Variants in UGT1A7 observed in about 807,000 individuals in gnomAD.
UGT1A7 encodes the protein UDP-glucuronosyltransferase 1A7.
Under a neutral mutation model 45.6 loss-of-function variants are expected in UGT1A7, and 33 were observed. The observed-to-expected ratio is 0.72, with a 90% CI of 0.55 to 0.97. UGT1A7 has a LOEUF of 0.97. Ranked by LOEUF, UGT1A7 falls within the 50% of genes least tolerant of loss-of-function variation. The pLI is 0.00. For synonymous variants in UGT1A7, 274 were observed against 250.6 expected (o/e 1.09, Z -0.88); for missense variants, 684 against 666.2 (o/e 1.03, Z -0.29).
chr2:233,733,965 G>T (rs1401939828), intron 1 of UGT1A7, among the ~76,000 whole-genome samples: 1 of 152,058 alleles, frequency 6.6e-6, no homozygotes, highest in Non-Finnish European at 1.5e-5. Flanking sequence ...GTGGGGTAGG[G>T]GGAGCGGGGA....
intron 1 of UGT1A7, chr2:233,713,824 G>A (rs2076349640): frequency 1.2e-5 from 19 of 1,614,054 alleles, no homozygotes; most frequent in Non-Finnish European, 1.5e-5. Flanking sequence ...TTCATTGGGG[G>A]CATCAACTGT....
intron 1 of UGT1A7, among the ~76,000 whole-genome samples, chr2:233,761,810 G>A (rs147752655): frequency 5.2e-4 from 79 of 152,328 alleles, no homozygotes; most frequent in African/African-American, 1.8e-3. Context: ...GAAAAGAACA[G>A]GAGAGGCTCC....
intron 1 of UGT1A7, among the ~76,000 whole-genome samples, chr2:233,714,127 G>A (rs1240971453): frequency 2.0e-5 from 3 of 152,154 alleles, no homozygotes; most frequent in African/African-American, 4.8e-5. Context: ...GAGACTGTTC[G>A]TTTGTAAAAG....
At chr2:233,754,750 A>G in intron 1 of UGT1A7, 1 of 810,338 alleles carries the variant, frequency 1.2e-6, no homozygotes, top group Non-Finnish European at 1.9e-6. Context: ...ATGCAGAAGG[A>G]AGAAAGGCCC....
At chr2:233,712,026 T>G (rs2076211157) in intron 1 of UGT1A7, among the ~76,000 whole-genome samples, 1 of 152,232 alleles carries the variant, frequency 6.6e-6, no homozygotes, top group Non-Finnish European at 1.5e-5. Context: ...CAGAACTTGG[T>G]GCTGGATTGA....
At chr2:233,712,888 TTGA>T in intron 1 of UGT1A7, 3 of 1,603,412 alleles carry the variant, frequency 1.9e-6, no homozygotes, top group Non-Finnish European at 2.6e-6. Context: ...CAATTACATG[TTGA>T]TTTGCTAGGT....
rs45470199 is a variant in UGT1A7, at chr2:233,713,204, A to G, written c.855+30412A>G. The G allele has an allele frequency of 2.1e-3, 3,394 of 1,614,240 alleles. 62 individuals are homozygous for G. In the African/African-American group the frequency reaches 0.04, roughly 19 times the overall value. Reference sequence around the variant, plus strand: ...TGGAGGTGAATATGTACATCAAAGAAGAGAACTTTTTCACCCTGACAACGT... The same window carrying G: ...TGGAGGTGAATATGTACATCAAAGAGGAGAACTTTTTCACCCTGACAACGT... On this transcript the variant is annotated intron_variant, in intron 1 of 4. Transcript: ENST00000373426.
intron 1 of UGT1A7, chr2:233,755,152 C>G: frequency 1.5e-6 from 2 of 1,299,966 alleles, no homozygotes; most frequent in Non-Finnish European, 2.1e-6. Flanking sequence ...ACCGCTTCCT[C>G]CCTGTCCTCG....
In UGT1A7 at chr2:233,768,557, A is replaced by G. The variant is rs28946891; in HGVS notation, c.1295+118A>G. 5 of 1,466,482 alleles carry G rather than the reference A, an allele frequency of 3.4e-6. No individual in the cohort carries two copies. The African/African-American group carries it at 7.2e-5, about 21-fold the overall frequency. 90.8% of individuals were successfully genotyped at this position (1,466,482 alleles called of 1,614,324 possible). On this transcript the variant is annotated intron_variant, in intron 4 of 4. Coordinates refer to ENST00000373426, the MANE Select transcript of UGT1A7 (RefSeq NM_019077.3). ...TTGTTTCAAATATAAAAACAAATAC[A>G]TAAAAATCTGGATTTTTATTTCTTC... is the stretch of plus-strand genomic sequence containing the variant.
chr2:233,714,076 G>A (rs1264024258), intron 1 of UGT1A7, among the ~76,000 whole-genome samples: 2 of 152,134 alleles, frequency 1.3e-5, no homozygotes, highest in African/African-American at 2.4e-5. Flanking sequence ...AGGCAGGGAC[G>A]AGGATCTGTC....
intron 1 of UGT1A7, chr2:233,718,851 CG>C: frequency 6.2e-7 from 1 of 1,613,708 alleles, no homozygotes; most frequent in South Asian, 1.1e-5. Context: ...TCCCCTGCCG[CG>C]GCTGGCCACA....
chr2:233,719,298 G>A (rs1399021133), intron 1 of UGT1A7: 3 of 1,613,874 alleles, frequency 1.9e-6, no homozygotes, highest in Non-Finnish European at 2.5e-6. Flanking sequence ...CTGTGGGGCG[G>A]TGCTGGCTAA....
chr2:233,743,897 A>G (rs1231389302), intron 1 of UGT1A7: 4 of 1,366,642 alleles, frequency 2.9e-6, no homozygotes, highest in Non-Finnish European at 3.9e-6. Flanking sequence ...CACGTCCAGC[A>G]CCTCGTAGTA....
intron 1 of UGT1A7, among the ~76,000 whole-genome samples, chr2:233,705,485 G>A (rs1165724639): frequency 6.6e-6 from 1 of 152,156 alleles, no homozygotes; most frequent in Non-Finnish European, 1.5e-5. Context: ...CAAATTTAAT[G>A]ATAATAAATA....
At chr2:233,728,672 A>G (rs543695455) in intron 1 of UGT1A7, among the ~76,000 whole-genome samples, 4 of 152,342 alleles carry the variant, frequency 2.6e-5, no homozygotes, top group Middle Eastern at 3.4e-3. Context: ...TTACTCATAC[A>G]TGAGAAGAAA....
intron 1 of UGT1A7, among the ~76,000 whole-genome samples, chr2:233,763,526 CCT>C (rs1427600025): frequency 1.3e-5 from 2 of 152,212 alleles, no homozygotes; most frequent in Non-Finnish European, 2.9e-5. Context: ...TTGCCATTCT[CCT>C]TTTTCCGGAT....
rs569277751 is a variant in UGT1A7 at position 233,714,539 on chromosome 2, G to A, written c.855+31747G>A. ...TAGGTTAACTTCATGGTCTAATACC[G>A]AAGTGTCCAATAGAAATATCATGTA... On this transcript the variant is annotated intron_variant, in intron 1 of 4. Transcript: ENST00000373426. Among the ~76,000 whole-genome samples the A allele has an allele frequency of 4.3e-4, 65 of 152,304 alleles. 2 individuals are homozygous for A. The South Asian group carries it at 7.5e-3, about 18-fold the overall frequency.
At chr2:233,700,864 C>A (rs1043981415) in intron 1 of UGT1A7, among the ~76,000 whole-genome samples, 1 of 151,810 alleles carries the variant, frequency 6.6e-6, no homozygotes, top group Non-Finnish European at 1.5e-5. Flanking sequence ...TAATGCTATC[C>A]CTCCCTCCTC....
intron 1 of UGT1A7, among the ~76,000 whole-genome samples, chr2:233,749,698 G>A (rs1694252344): frequency 6.6e-6 from 1 of 151,854 alleles, no homozygotes; most frequent in Non-Finnish European, 1.5e-5. Flanking sequence ...TCTGGTGGGA[G>A]GTGATTGGAT....
Sources: allele counts gnomAD v4.1 joint callset (sites outside exome capture counted in the v4.1 genomes callset), GRCh38; gene constraint gnomAD v4.1.1; transcripts MANE v1.5; gene names NCBI Gene and HGNC (gene_info 2026-07-23, HGNC 2026-07-21).